ASIP: variants seen among roughly 807,000 people sequenced by gnomAD.
ASIP encodes the protein agouti signaling protein.
ASIP carries 11 observed loss-of-function variants against 10.3 expected under a neutral mutation model. The observed-to-expected ratio is 1.07, with a 90% CI of 0.68 to 1.78. ASIP has a LOEUF of 1.78. ASIP is among the 40% of genes most tolerant of loss of function. ASIP has a pLI of 0.00. For synonymous variants in ASIP, 70 were observed against 70.8 expected, an observed-to-expected ratio of 0.99 and a Z score of 0.06; for missense variants, 180 against 169.2, an observed-to-expected ratio of 1.06 and a Z score of -0.35.
intron 1 of ASIP, among the ~76,000 whole-genome samples, chr20:34,207,319 T>C (rs1201104889): frequency 6.6e-6 from 1 of 152,266 alleles, no homozygotes; most frequent in Non-Finnish European, 1.5e-5. Context: ...GACTATTTAC[T>C]CATATGCCTG....
At chr20:34,260,036 C>T (rs780848805) in intron 1 of ASIP, among the ~76,000 whole-genome samples, 3 of 152,018 alleles carry the variant, frequency 2.0e-5, no homozygotes, top group African/African-American at 7.3e-5. Flanking sequence ...CCTGGGGTCT[C>T]CTGGGGCCAC....
intron 1 of ASIP, among the ~76,000 whole-genome samples, chr20:34,249,541 C>G (rs1488793785): frequency 1.3e-5 from 2 of 152,172 alleles, no homozygotes; most frequent in African/African-American, 2.4e-5. Flanking sequence ...CATGAGCATG[C>G]AGCTTGTGTA....
At chr20:34,211,050 C>A (rs1431440554) in intron 1 of ASIP, among the ~76,000 whole-genome samples, 1 of 152,126 alleles carries the variant, frequency 6.6e-6, no homozygotes, top group Non-Finnish European at 1.5e-5. Flanking sequence ...AGAGACAGGT[C>A]TTGCTCTGTC....
At chr20:34,216,947 C>T (rs1263973340) in intron 1 of ASIP, among the ~76,000 whole-genome samples, 2 of 152,000 alleles carry the variant, frequency 1.3e-5, no homozygotes, top group Admixed American at 6.6e-5. Flanking sequence ...GCTCTGGAGA[C>T]GATTTGAGGT....
Position 34,260,366 on chromosome 20 carries a change from C to G in ASIP, c.-9C>G. Reference sequence around the variant, plus strand: ...GACCACCTTCTCTGTCCCACTCAGGCCTCCTGGGATGGATGTCACCCGCTT... The same window carrying G: ...GACCACCTTCTCTGTCCCACTCAGGGCTCCTGGGATGGATGTCACCCGCTT... On this transcript the variant is annotated splice_region_variant and 5_prime_UTR_variant, in exon 2 of 4. Coordinates refer to ENST00000374954, the MANE Select transcript of ASIP (RefSeq NM_001672.3). 4 of 1,612,260 alleles carry G rather than the reference C, an allele frequency of 2.5e-6. No homozygotes were observed. Among genetic ancestry groups the G allele is most frequent in the Non-Finnish European group, 3.4e-6 (4 of 1,178,806 alleles).
At chr20:34,194,116 G>T (rs2034840365), upstream of ASIP, among the ~76,000 whole-genome samples, 1 of 152,146 alleles carries the variant, frequency 6.6e-6, no homozygotes, top group Admixed American at 6.5e-5. Context: ...TATACCAGTG[G>T]CAGCAGAGAG....
intron 1 of ASIP, 33 bp downstream of exon 1, chr20:34,241,522 AG>A (rs1334383252): frequency 1.0e-6 from 1 of 985,322 alleles, no homozygotes; most frequent in African/African-American, 1.7e-5. Flanking sequence ...ATCTGCTTTC[AG>A]GAGTGAAGCT....
chr20:34,233,323 A>G (rs1367342476), intron 1 of ASIP, among the ~76,000 whole-genome samples: 1 of 151,596 alleles, frequency 6.6e-6, no homozygotes, highest in Admixed American at 6.6e-5. Context: ...AATTTTTTGT[A>G]TTTTTAGTAG....
chr20:34,241,417 G>A (rs913094260), upstream of ASIP: 39 of 980,668 alleles, frequency 4.0e-5, no homozygotes, highest in Non-Finnish European at 4.4e-5. Context: ...TTATAGATGA[G>A]CAAGCAGCAA....
At chr20:34,214,733 C>T (rs917673172) in intron 1 of ASIP, 21 of 1,174,002 alleles carry the variant, frequency 1.8e-5, no homozygotes, top group African/African-American at 5.9e-5. Context: ...TTTTTCATAA[C>T]GGCCAACATG....
At chr20:34,268,356 C>G (rs1308094959) in intron 3 of ASIP, among the ~76,000 whole-genome samples, 1 of 152,026 alleles carries the variant, frequency 6.6e-6, no homozygotes. Flanking sequence ...TAACAGGGGT[C>G]GGAGAGGCAA....
chr20:34,209,250 T>A (rs2034957172), intron 1 of ASIP, among the ~76,000 whole-genome samples: 1 of 152,192 alleles, frequency 6.6e-6, no homozygotes, highest in African/African-American at 2.4e-5. Context: ...CCTTCCAAGT[T>A]GGTGGGGTGG....
At chr20:34,251,378 C>A (rs1182877665) in intron 1 of ASIP, among the ~76,000 whole-genome samples, 3 of 151,940 alleles carry the variant, frequency 2.0e-5, no homozygotes, top group Admixed American at 2.0e-4. Flanking sequence ...TCACACCATT[C>A]TCCTGCCTCA....
upstream of ASIP, among the ~76,000 whole-genome samples, chr20:34,191,732 T>C (rs563151835): frequency 2.1e-3 from 223 of 105,254 alleles, 1 homozygote; most frequent in Non-Finnish European, 3.3e-3. Context: ...CTCTCTCTCT[T>C]TTTTTTTTTT....
rs1349467682 is a variant in ASIP, at chr20:34,235,866, A to AAGGAAGGG, written c.-10-24498_-10-24497insGGAAGGGA. On this transcript the variant is annotated intron_variant, in intron 1 of 3. Transcript: ENST00000568305. ...GAAGGAAGGAAGGAAGGAAGGAAGG[A>AAGGAAGGG]AAGGAAGGAAGGAAGGAAGGAAGGA... is the stretch of plus-strand genomic sequence containing the variant. 5.3e-3 allele frequency among the ~76,000 whole-genome samples: 196 copies of AAGGAAGGG among 36,804 alleles called. 3 individuals carry two copies. Among genetic ancestry groups the AAGGAAGGG allele is most frequent in the African/African-American group, 0.011 (36 of 3,386 alleles). The allele number at this position is 36,804 out of a possible 152,430, so 24.1% of individuals were successfully genotyped here.
the ASIP span, among the ~76,000 whole-genome samples, chr20:34,187,354 G>A: frequency 6.6e-6 from 1 of 152,218 alleles, no homozygotes; most frequent in Non-Finnish European, 1.5e-5. Flanking sequence ...TAACTGTTCA[G>A]AGAGGAATTT....
intron 1 of ASIP, among the ~76,000 whole-genome samples, chr20:34,235,856 G>A (rs1181029459): frequency 1.5e-3 from 63 of 42,442 alleles, no homozygotes; most frequent in Middle Eastern, 0.014. Flanking sequence ...AAGGAAGGAA[G>A]GAAGGAAGGA....
At chr20:34,243,396 C>T (rs1004393533) in intron 1 of ASIP, among the ~76,000 whole-genome samples, 1 of 152,132 alleles carries the variant, frequency 6.6e-6, no homozygotes, top group African/African-American at 2.4e-5. Flanking sequence ...ATAGTGAAAT[C>T]GGTACGTGTA....
chr20:34,219,734 C>T (rs1408056539), intron 1 of ASIP, among the ~76,000 whole-genome samples: 1 of 152,148 alleles, frequency 6.6e-6, no homozygotes, highest in Non-Finnish European at 1.5e-5. Flanking sequence ...GAAATGTTAA[C>T]ATTCACAAAC....
Sources: gnomAD v4.1 joint callset for allele counts (sites outside exome capture counted in the v4.1 genomes callset) on GRCh38, gnomAD v4.1.1 for gene constraint, MANE v1.5 for transcripts, NCBI Gene and HGNC (gene_info 2026-07-23, HGNC 2026-07-21) for gene names.